Variants in NTM observed in about 807,000 individuals in gnomAD.
NTM encodes the protein neurotrimin, also known as IgLON family member 2.
In NTM, 13 loss-of-function variants were observed where a neutral mutation model predicts 42.1. The observed-to-expected ratio is 0.31, with a 90% CI of 0.20 to 0.49. NTM has a LOEUF of 0.49. NTM is among the 20% of genes least tolerant of loss of function. The pLI, the probability that NTM is intolerant of heterozygous loss-of-function variation, is 0.99. For synonymous variants in NTM, 187 were observed against 179.2 expected (o/e 1.04, Z -0.35); for missense variants, 373 against 452.8 (o/e 0.82, Z 1.60).
At chr11:132,039,494 C>T (rs371429206) in intron 2 of NTM, among the ~76,000 whole-genome samples, 17 of 149,410 alleles carry the variant, frequency 1.1e-4, no homozygotes, top group Non-Finnish European at 2.4e-4. Flanking sequence ...TAGGCTCAAG[C>T]GATTGCTGTA....
At chr11:132,029,547 G>T (rs1020509835) in intron 2 of NTM, among the ~76,000 whole-genome samples, 1 of 152,076 alleles carries the variant, frequency 6.6e-6, no homozygotes, top group Admixed American at 6.5e-5. Context: ...CATGTGAAAA[G>T]CATGATGATG....
chr11:131,464,286 T>TA (rs1420798337), intron 1 of NTM, among the ~76,000 whole-genome samples: 1 of 151,980 alleles, frequency 6.6e-6, no homozygotes, highest in East Asian at 1.9e-4. Context: ...CCTGGAACTT[T>TA]AGAAGACCGG....
chr11:131,709,777 C>T (rs947366620), intron 1 of NTM, among the ~76,000 whole-genome samples: 2 of 151,932 alleles, frequency 1.3e-5, no homozygotes, highest in African/African-American at 2.4e-5. Context: ...TAAAATGGAG[C>T]GAATATAGAT....
At chr11:131,691,247 G>C (rs1433229948) in intron 1 of NTM, among the ~76,000 whole-genome samples, 4 of 152,202 alleles carry the variant, frequency 2.6e-5, no homozygotes, top group Non-Finnish European at 5.9e-5. Context: ...CTTGACCTTC[G>C]CAGAACGTAG....
intron 1 of NTM, among the ~76,000 whole-genome samples, chr11:131,378,711 T>C (rs1942277278): frequency 6.6e-6 from 1 of 152,176 alleles, no homozygotes; most frequent in Non-Finnish European, 1.5e-5. Context: ...AAAAGGAATG[T>C]GATTGAGCTG....
chr11:131,372,318 C>T (rs1334922115), intron 1 of NTM, among the ~76,000 whole-genome samples: 2 of 152,126 alleles, frequency 1.3e-5, no homozygotes, highest in African/African-American at 4.8e-5. Flanking sequence ...CTGCACCCAA[C>T]CCCAGGAGGC....
chr11:131,492,150 A>G (rs987001831), intron 1 of NTM, among the ~76,000 whole-genome samples: 4 of 152,196 alleles, frequency 2.6e-5, no homozygotes, highest in African/African-American at 7.2e-5. Flanking sequence ...ACACCTTTGC[A>G]TTTGTATAGC....
At chr11:132,036,640 T>C (rs541781610) in intron 2 of NTM, among the ~76,000 whole-genome samples, 30 of 152,276 alleles carry the variant, frequency 2.0e-4, no homozygotes, top group Non-Finnish European at 3.8e-4. Context: ...CTCTAACTCA[T>C]TTCAGTGAAT....
chr11:132,240,871 T>C (rs1022938241), intron 4 of NTM, among the ~76,000 whole-genome samples: 6 of 152,234 alleles, frequency 3.9e-5, no homozygotes, highest in African/African-American at 1.2e-4. Flanking sequence ...GTTTCTACAG[T>C]TGAACATCCC....
At chr11:131,662,114 C>T (rs925545804) in intron 1 of NTM, 3 of 152,150 alleles carry the variant, frequency 2.0e-5, no homozygotes, top group Non-Finnish European at 4.4e-5. Context: ...TTGAAAGAGA[C>T]AAAAATACTA....
intron 1 of NTM, among the ~76,000 whole-genome samples, chr11:131,580,192 C>T (rs2058283183): frequency 6.6e-6 from 1 of 152,180 alleles, no homozygotes; most frequent in Non-Finnish European, 1.5e-5. Context: ...CAGCTCACTT[C>T]CTATATTTAT....
intron 1 of NTM, among the ~76,000 whole-genome samples, chr11:131,652,301 T>C (rs772580563): frequency 2.6e-5 from 4 of 152,142 alleles, no homozygotes; most frequent in Admixed American, 2.6e-4. Flanking sequence ...AGGCTTGAGA[T>C]AACACTCACA....
At chr11:132,180,956 A>G (rs570577329) in intron 3 of NTM, among the ~76,000 whole-genome samples, 2 of 152,344 alleles carry the variant, frequency 1.3e-5, no homozygotes, top group East Asian at 3.9e-4. Flanking sequence ...GTTCATCATC[A>G]TGTATGTAAA....
chr11:131,976,698 A>C (rs1219090824), intron 2 of NTM, among the ~76,000 whole-genome samples: 1 of 152,202 alleles, frequency 6.6e-6, no homozygotes, highest in Non-Finnish European at 1.5e-5. Context: ...TCTGAGATCC[A>C]TAGGTCACGG....
chr11:131,808,294 C>T (rs911164100), intron 1 of NTM, among the ~76,000 whole-genome samples: 3 of 152,210 alleles, frequency 2.0e-5, no homozygotes, highest in African/African-American at 4.8e-5. Flanking sequence ...CAGGAATTGA[C>T]AGTCCAGTTG....
chr11:132,063,545 G>T (rs1313056304), intron 2 of NTM, among the ~76,000 whole-genome samples: 1 of 152,158 alleles, frequency 6.6e-6, no homozygotes, highest in African/African-American at 2.4e-5. Context: ...GTTCAGAGAT[G>T]CACTGAGCCA....
chr11:132,032,604 A>G (rs956525948), intron 2 of NTM, among the ~76,000 whole-genome samples: 1 of 152,178 alleles, frequency 6.6e-6, no homozygotes, highest in African/African-American at 2.4e-5. Context: ...ACCTTCTTGT[A>G]GGTGTCATAC....
At chr11:131,387,962 G>C (rs1462218125) in intron 1 of NTM, among the ~76,000 whole-genome samples, 2 of 152,214 alleles carry the variant, frequency 1.3e-5, no homozygotes, top group Non-Finnish European at 2.9e-5. Context: ...CTCCAAGCGT[G>C]GTCTCCAAAT....
At chr11:131,427,942 C>T (rs1026834956) in intron 1 of NTM, among the ~76,000 whole-genome samples, 7 of 152,156 alleles carry the variant, frequency 4.6e-5, no homozygotes, top group African/African-American at 1.4e-4. Context: ...AGGTTTCATC[C>T]TTGTCTCTCT....
Sources: gnomAD v4.1 joint callset for allele counts (sites outside exome capture counted in the v4.1 genomes callset) on GRCh38, gnomAD v4.1.1 for gene constraint, MANE v1.5 for transcripts, NCBI Gene and HGNC (gene_info 2026-07-23, HGNC 2026-07-21) for gene names.